The following RCAN1 variants were observed in gnomAD, a reference collection of about 807,000 sequenced individuals.
RCAN1 encodes the protein regulator of calcineurin 1, also known as calcipressin-1.
In RCAN1, 11 loss-of-function variants were observed where a neutral mutation model predicts 22.9. That is an observed-to-expected ratio of 0.48 (90% CI 0.30 to 0.79). The LOEUF (loss-of-function observed/expected upper bound fraction) is 0.79. Ranked by LOEUF, RCAN1 falls within the 30% of genes least tolerant of loss-of-function variation. The pLI is 0.06. For synonymous variants in RCAN1, 136 were observed against 142.3 expected, an observed-to-expected ratio of 0.96 and a Z score of 0.32; for missense variants, 291 against 337.8, an observed-to-expected ratio of 0.86 and a Z score of 1.09.
intron 1 of RCAN1, among the ~76,000 whole-genome samples, chr21:34,528,686 G>A (rs1985210039): frequency 1.3e-5 from 2 of 152,182 alleles, no homozygotes; most frequent in Non-Finnish European, 1.5e-5. Context: ...GAACTTCTCT[G>A]ATGTTCCCTC....
In RCAN1 at chr21:34,595,878, G is replaced by A. The variant is rs2268272; in HGVS notation, c.252+18882C>T. On this transcript the variant is annotated intron_variant, in intron 1 of 3. Coordinates refer to ENST00000313806, the MANE Select transcript of RCAN1 (RefSeq NM_004414.7). ...CCCCCGGCAGGGGTGGGACATACGT[G>A]TGAAAAGGGGAGTCTGGGGGTCCCC... 2.4e-4 allele frequency among the ~76,000 whole-genome samples: 37 copies of A among 152,340 alleles called. 1 individual carries two copies. In the East Asian group the frequency reaches 7.0e-3, roughly 29 times the overall value.
chr21:34,581,026 AC>A (rs1987588280), intron 1 of RCAN1, among the ~76,000 whole-genome samples: 1 of 152,192 alleles, frequency 6.6e-6, no homozygotes, highest in Non-Finnish European at 1.5e-5. Context: ...TAGGAGAACC[AC>A]CCAGAAGTCA....
At chr21:34,604,169 T>C (rs1427695018) in intron 1 of RCAN1, among the ~76,000 whole-genome samples, 2 of 152,206 alleles carry the variant, frequency 1.3e-5, no homozygotes, top group Non-Finnish European at 2.9e-5. Flanking sequence ...ACAGCTCTGT[T>C]GCCCAGACTG....
At chr21:34,587,534 A>C (rs967249848) in intron 1 of RCAN1, among the ~76,000 whole-genome samples, 2 of 152,206 alleles carry the variant, frequency 1.3e-5, no homozygotes, top group African/African-American at 4.8e-5. Flanking sequence ...TAAAATTACA[A>C]AATGAAAATA....
chr21:34,530,630 T>G (rs966436986), intron 1 of RCAN1, among the ~76,000 whole-genome samples: 24 of 95,626 alleles, frequency 2.5e-4, no homozygotes, highest in East Asian at 1.3e-3. Context: ...TTTTTTTTTT[T>G]TTTTTTTTTT....
Position 34,601,540 on chromosome 21 carries a change from T to C in RCAN1, c.252+13220A>G, listed in dbSNP as rs539740840. Among the ~76,000 whole-genome samples the C allele has an allele frequency of 3.0e-4, 45 of 152,226 alleles. 1 individual carries two copies. Among genetic ancestry groups the C allele is most frequent in the African/African-American group, 8.9e-4 (37 of 41,540 alleles). On this transcript the variant is annotated intron_variant, in intron 1 of 3. Coordinates refer to ENST00000313806, the MANE Select transcript of RCAN1 (RefSeq NM_004414.7). Reference sequence around the variant, plus strand: ...TCTATAAAGAAGGTGAATGCTAGGCTGGGCACGGTGGCTCACACCTGTAAT... The same window carrying C: ...TCTATAAAGAAGGTGAATGCTAGGCCGGGCACGGTGGCTCACACCTGTAAT...
chr21:34,572,879 A>G (rs529757498), intron 1 of RCAN1, among the ~76,000 whole-genome samples: 1 of 152,318 alleles, frequency 6.6e-6, no homozygotes, highest in South Asian at 2.1e-4. Flanking sequence ...GGGAGATGCT[A>G]TACACTCTTA....
At chr21:34,537,984 G>A (rs918823769) in intron 1 of RCAN1, among the ~76,000 whole-genome samples, 3 of 152,192 alleles carry the variant, frequency 2.0e-5, no homozygotes, top group African/African-American at 4.8e-5. Flanking sequence ...TGGTTATAGC[G>A]ACGATCTTGA....
chr21:34,591,494 G>A (rs1485460473), intron 1 of RCAN1, among the ~76,000 whole-genome samples: 1 of 152,108 alleles, frequency 6.6e-6, no homozygotes, highest in African/African-American at 2.4e-5. Flanking sequence ...CAAACAGCAC[G>A]GTGGCAGATG....
At chr21:34,580,259 GGTCAGCA>G (rs1349368225) in intron 1 of RCAN1, among the ~76,000 whole-genome samples, 2 of 152,186 alleles carry the variant, frequency 1.3e-5, no homozygotes, top group Non-Finnish European at 2.9e-5. Flanking sequence ...TGCACAGCCT[GGTCAGCA>G]GTTGCAACTT....
At chr21:34,536,023 GT>G (rs1426061235) in intron 1 of RCAN1, among the ~76,000 whole-genome samples, 3 of 152,096 alleles carry the variant, frequency 2.0e-5, no homozygotes, top group Non-Finnish European at 4.4e-5. Context: ...ATTTCATCTT[GT>G]TTGTTAAATT....
intron 1 of RCAN1, among the ~76,000 whole-genome samples, chr21:34,602,825 T>G (rs1988397209): frequency 6.6e-6 from 1 of 152,240 alleles, no homozygotes; most frequent in Non-Finnish European, 1.5e-5. Context: ...TCTCTCTGTA[T>G]TTCTTTATGC....
intron 1 of RCAN1, among the ~76,000 whole-genome samples, chr21:34,543,200 TA>T (rs1293407214): frequency 1.3e-5 from 2 of 152,224 alleles, no homozygotes; most frequent in Non-Finnish European, 2.9e-5. Flanking sequence ...CTGGAGCTTG[TA>T]AATATGTTGC....
rs1601232699 is a variant in RCAN1, at chr21:34,614,904, G to C, written c.108C>G (p.Leu36=). The part of the protein sequence containing the change: ...PGVTLRPFAP[L]SGAAEADEGG... ...CCTCGTCCGCCTCGGCCGCCCCCGA[G>C]AGGGGCGCGAAGGGCCGCAGCGTCA... Residue 36 remains leucine (L), a synonymous_variant, in exon 1 of 4, where the codon CTC becomes CTG. Transcript: ENST00000313806. The surrounding 1 kb of genome is among the most constrained non-coding windows in gnomAD (Gnocchi z 6.0). The C allele has an allele frequency of 1.8e-5, 25 of 1,426,650 alleles. No homozygotes were observed. Among genetic ancestry groups the C allele is most frequent in the African/African-American group, 1.7e-4 (11 of 66,576 alleles). 88.4% of individuals were successfully genotyped at this position (1,426,650 alleles called of 1,614,324 possible). A position where few individuals can be genotyped will look rare whatever the true frequency, so the allele number is the denominator to read the frequency against.
intron 1 of RCAN1, among the ~76,000 whole-genome samples, chr21:34,546,469 GA>G (rs937167480): frequency 3.3e-5 from 5 of 151,392 alleles, no homozygotes; most frequent in African/African-American, 1.2e-4. Flanking sequence ...TAAATTGTCT[GA>G]AAAACCCCAA....
At position 34,581,663 on chromosome 21, in the gene RCAN1, T is replaced by G. The variant is rs183850469; in HGVS notation, c.252+33097A>C. On this transcript the variant is annotated intron_variant, in intron 1 of 3. Transcript: ENST00000313806. Reference sequence around the variant, plus strand: ...TATGAGGAAAAAAAATCACTAAAAATGTAAAGCCTCCATTGCCTACAGGCC... The same window carrying G: ...TATGAGGAAAAAAAATCACTAAAAAGGTAAAGCCTCCATTGCCTACAGGCC... 2.9e-3 allele frequency among the ~76,000 whole-genome samples: 436 copies of G among 152,184 alleles called. 1 individual carries two copies. Among genetic ancestry groups the G allele is most frequent in the Non-Finnish European group, 4.3e-3 (293 of 67,998 alleles).
chr21:34,550,369 G>A (rs181900017), intron 1 of RCAN1, among the ~76,000 whole-genome samples: 109 of 152,270 alleles, frequency 7.2e-4, no homozygotes, highest in African/African-American at 2.3e-3. Context: ...AGTCCTAACC[G>A]TCCTGGTACC....
chr21:34,573,290 G>T (rs548309071), intron 1 of RCAN1, among the ~76,000 whole-genome samples: 34 of 152,248 alleles, frequency 2.2e-4, no homozygotes, highest in African/African-American at 7.9e-4. Context: ...ATGGGGCAGG[G>T]AGACACAGAC....
chr21:34,607,397 T>C (rs1238652824), intron 1 of RCAN1, among the ~76,000 whole-genome samples: 1 of 145,242 alleles, frequency 6.9e-6, no homozygotes, highest in African/African-American at 2.5e-5. Context: ...ATTTGCTCCC[T>C]TTTTTTTTTT....
Sources: gnomAD v4.1 joint callset for allele counts (sites outside exome capture counted in the v4.1 genomes callset) on GRCh38, gnomAD v4.1.1 for gene constraint, Gnocchi (gnomAD v3.1) non-coding constraint, MANE v1.5 for transcripts, NCBI Gene and HGNC (gene_info 2026-07-23, HGNC 2026-07-21) for gene names.